Variants in ACTN4 observed in about 807,000 individuals in gnomAD.
The protein encoded by ACTN4 is actinin alpha 4.
In ACTN4, 18 loss-of-function variants were observed where a neutral mutation model predicts 114.2. The observed-to-expected ratio is 0.16, with a 90% CI of 0.11 to 0.23. The LOEUF (loss-of-function observed/expected upper bound fraction) is 0.23, where lower values mean the gene tolerates loss of function less well. Among genes scored for constraint, ACTN4 ranks in the 10% least tolerant of loss-of-function variants. The pLI is 1.00. For missense variants in ACTN4, 722 were observed against 1,262.9 expected, an observed-to-expected ratio of 0.57 and a Z score of 6.49; for synonymous variants, 515 against 506.3, an observed-to-expected ratio of 1.02 and a Z score of -0.23.
chr19:38,723,833 T>A (rs184814936), intron 13 of ACTN4, 104 bp from the exon 14 acceptor site: 1,766 of 1,478,670 alleles, frequency 1.2e-3, no homozygotes, highest in Non-Finnish European at 1.2e-3. Context: ...ACGGAGAGGA[T>A]GTTCTCTGAC....
chr19:38,683,382 C>G (rs1161494333), intron 1 of ACTN4, among the ~76,000 whole-genome samples: 1 of 152,122 alleles, frequency 6.6e-6, no homozygotes, highest in Non-Finnish European at 1.5e-5. Flanking sequence ...GGTGAGGGCT[C>G]TCTAACCCAG....
At chr19:38,654,078 G>A (rs744452) in intron 1 of ACTN4, among the ~76,000 whole-genome samples, 2,143 of 151,886 alleles carry the variant, frequency 0.014, 56 homozygotes, top group African/African-American at 0.048. Flanking sequence ...AGTGGCCCAG[G>A]TATCACTTAA....
chr19:38,728,856 C>T (rs772791717), intron 19 of ACTN4, 140 bp from the exon 20 acceptor site: 22 of 1,074,566 alleles, frequency 2.0e-5, no homozygotes, highest in Non-Finnish European at 3.0e-5. Context: ...GCTGCTGGAG[C>T]AGGCGGGGAA....
chr19:38,662,303 C>G lies in ACTN4; in HGVS notation c.162+14396C>G, dbSNP rs1443011256. Among the ~76,000 whole-genome samples the G allele has an allele frequency of 2.6e-5, 4 of 152,368 alleles. No individual in the cohort carries two copies. The East Asian group carries it at 7.7e-4, about 29-fold the overall frequency. On this transcript the variant is annotated intron_variant, in intron 1 of 20. Transcript: ENST00000252699. ...ATAGACACTCCTGCCTCTGAACACA[C>G]AGCACCCAGCAAGAAGTTACCTTCA...
chr19:38,711,481 C>A, intron 8 of ACTN4: 1 of 361,802 alleles, frequency 2.8e-6, no homozygotes, highest in Non-Finnish European at 3.8e-6. Flanking sequence ...CGCCACACCA[C>A]ACAGACTGAC....
intron 8 of ACTN4, among the ~76,000 whole-genome samples, chr19:38,713,359 G>A (rs900629150): frequency 3.3e-5 from 5 of 152,150 alleles, no homozygotes; most frequent in African/African-American, 1.2e-4. Flanking sequence ...CTTGAGTTTC[G>A]GGTGCCAGTT....
At chr19:38,651,186 G>A (rs902965453) in intron 1 of ACTN4, among the ~76,000 whole-genome samples, 16 of 152,220 alleles carry the variant, frequency 1.1e-4, no homozygotes, top group African/African-American at 3.9e-4. Context: ...CAGAACAGCT[G>A]TAGGCCCTCA....
intron 19 of ACTN4, 35 bp downstream of exon 19, chr19:38,728,061 T>C: frequency 6.3e-7 from 1 of 1,581,258 alleles, no homozygotes; most frequent in Non-Finnish European, 8.6e-7. Flanking sequence ...ACCATGGCAT[T>C]AACTGCTCTC....
chr19:38,650,493 C>T (rs1169410129), intron 1 of ACTN4, among the ~76,000 whole-genome samples: 1 of 152,214 alleles, frequency 6.6e-6, no homozygotes, highest in Non-Finnish European at 1.5e-5. Flanking sequence ...TCCGCTAATA[C>T]CATCTGCTTT....
chr19:38,729,924 TCTGCTCCA>T lies in ACTN4; in HGVS notation c.*493_*500del. On this transcript the variant is annotated 3_prime_UTR_variant, in exon 21 of 21. Transcript: ENST00000252699. ...GGACCCACCCAGCCCCTCTCCCCTC[TCTGCTCCA>T]GACTCACTTGCCATTGCCAGGAGAT... 2.9e-6 allele frequency: 1 copy of T among 348,958 alleles called. No individual in the cohort carries two copies. The highest frequency in any genetic ancestry group is 2.1e-5 in the South Asian group (1 of 46,744). 21.6% of individuals were successfully genotyped at this position (348,958 alleles called of 1,614,324 possible).
intron 1 of ACTN4, among the ~76,000 whole-genome samples, chr19:38,691,956 TG>T (rs1474275581): frequency 6.6e-6 from 1 of 152,014 alleles, no homozygotes. Flanking sequence ...GCACGCTTTC[TG>T]GCACCTCAAA....
intron 1 of ACTN4, among the ~76,000 whole-genome samples, chr19:38,698,940 C>T (rs895895503): frequency 6.6e-6 from 1 of 152,194 alleles, no homozygotes; most frequent in Non-Finnish European, 1.5e-5. Flanking sequence ...TCAGAGCCCC[C>T]GTAGAAGCCC....
At chr19:38,663,512 A>C (rs1976954525) in intron 1 of ACTN4, among the ~76,000 whole-genome samples, 1 of 152,158 alleles carries the variant, frequency 6.6e-6, no homozygotes, top group Non-Finnish European at 1.5e-5. Context: ...GGGAGAGGAA[A>C]GGGGTGAATC....
intron 3 of ACTN4, 123 bp downstream of exon 3, chr19:38,701,244 C>T (rs1245702264): frequency 2.7e-6 from 4 of 1,485,132 alleles, no homozygotes; most frequent in Middle Eastern, 2.4e-4. Context: ...ACTCAGAGCC[C>T]CAGTACATAC....
chr19:38,649,916 G>C (rs1318363632), intron 1 of ACTN4, among the ~76,000 whole-genome samples: 1 of 152,192 alleles, frequency 6.6e-6, no homozygotes, highest in Admixed American at 6.5e-5. Flanking sequence ...TGGCTTGGTG[G>C]GAGGGGTGTC....
intron 1 of ACTN4, among the ~76,000 whole-genome samples, chr19:38,649,742 G>A (rs547951423): frequency 1.3e-5 from 2 of 152,288 alleles, no homozygotes; most frequent in African/African-American, 4.8e-5. Flanking sequence ...TTGGTGGCCA[G>A]GAGCTTGGCA....
chr19:38,729,479 C>T lies in ACTN4; in HGVS notation c.*47C>T. ...CACCCCCGACGGCCTCCAGGAGGGG[C>T]CTGGGCAGCCCCACAGTCCCATTCC... On this transcript the variant is annotated 3_prime_UTR_variant, in exon 21 of 21. Transcript: ENST00000252699. 1.2e-6 allele frequency: 2 copies of T among 1,604,318 alleles called. No homozygotes were observed. The highest frequency in any genetic ancestry group is 1.7e-6 in the Non-Finnish European group (2 of 1,175,394).
Position 38,729,672 on chromosome 19 carries a change from G to GT in ACTN4, c.*241dup. On this transcript the variant is annotated 3_prime_UTR_variant, in exon 21 of 21. Coordinates refer to ENST00000252699, the MANE Select transcript of ACTN4 (RefSeq NM_004924.6). ...CCAGCGCTTCTGGTCTGGTAAATATGTATGATGTGTTGTGCTTTTTTAACC... is the reference window on the plus strand; with the variant it reads ...CCAGCGCTTCTGGTCTGGTAAATATGTTATGATGTGTTGTGCTTTTTTAACC... 1.4e-6 allele frequency: 1 copy of GT among 698,466 alleles called. No individual in the cohort carries two copies. Among genetic ancestry groups the GT allele is most frequent in the South Asian group, 1.5e-5 (1 of 66,742 alleles). 43.3% of individuals were successfully genotyped at this position (698,466 alleles called of 1,614,324 possible).
At chr19:38,674,235 A>C (rs1967304116) in intron 1 of ACTN4, among the ~76,000 whole-genome samples, 1 of 152,120 alleles carries the variant, frequency 6.6e-6, no homozygotes, top group African/African-American at 2.4e-5. Flanking sequence ...CAGAGAAGGG[A>C]ACACTGTTCT....
Sources: gnomAD v4.1 joint callset for allele counts (sites outside exome capture counted in the v4.1 genomes callset) on GRCh38, gnomAD v4.1.1 for gene constraint, MANE v1.5 for transcripts, NCBI Gene and HGNC (gene_info 2026-07-23, HGNC 2026-07-21) for gene names.